The following DDX1 variants were observed in gnomAD, a reference collection of about 807,000 sequenced individuals.
DDX1 encodes the protein ATP-dependent RNA helicase DDX1.
In DDX1, 28 loss-of-function variants were observed where a neutral mutation model predicts 108.7. The observed-to-expected ratio is 0.26, with a 90% confidence interval of 0.19 to 0.35. DDX1 has a LOEUF of 0.35. Among genes scored for constraint, DDX1 ranks in the 10% least tolerant of loss-of-function variants. DDX1 has a pLI of 1.00. For synonymous variants in DDX1, 295 were observed against 288.9 expected, an observed-to-expected ratio of 1.02 and a Z score of -0.21; for missense variants, 710 against 884.5, an observed-to-expected ratio of 0.80 and a Z score of 2.50.
chr2:15,623,054 T>G (rs1558459087), intron 18 of DDX1, among the ~76,000 whole-genome samples: 1 of 152,174 alleles, frequency 6.6e-6, no homozygotes, highest in Non-Finnish European at 1.5e-5. Flanking sequence ...ATAAAGCATT[T>G]ATTGAGCATT....
chr2:15,607,406 C>T, intron 13 of DDX1, 93 bp downstream of exon 13: 1 of 1,136,272 alleles, frequency 8.8e-7, no homozygotes, highest in Non-Finnish European at 1.3e-6. Flanking sequence ...AGTAGAAATT[C>T]AGTGTGTATA....
intron 19 of DDX1, 64 bp from the exon 20 acceptor site, chr2:15,626,990 C>A: frequency 9.4e-7 from 1 of 1,060,712 alleles, no homozygotes; most frequent in Non-Finnish European, 1.4e-6. Context: ...ATTTTATTGG[C>A]TTTTTTACAT....
At chr2:15,598,876 G>A (rs1473051641) in intron 5 of DDX1, among the ~76,000 whole-genome samples, 3 of 152,136 alleles carry the variant, frequency 2.0e-5, no homozygotes, top group South Asian at 2.1e-4. Flanking sequence ...TTATAAAAAG[G>A]CGGATGAAAA....
chr2:15,630,734 A>G (rs1346386834), intron 25 of DDX1, 42 bp from the exon 26 acceptor site: 2 of 1,584,122 alleles, frequency 1.3e-6, no homozygotes, highest in Non-Finnish European at 8.6e-7. Context: ...AGTTATTTCA[A>G]GCATGTCATT....
chr2:15,593,004 T>TC (rs570931128), intron 1 of DDX1, among the ~76,000 whole-genome samples: 1 of 151,970 alleles, frequency 6.6e-6, no homozygotes, highest in Non-Finnish European at 1.5e-5. Context: ...CACTGCAGCC[T>TC]CCACCTCCCA....
At position 15,598,878 on chromosome 2, in the gene DDX1, G is replaced by A. The variant is rs145228341; in HGVS notation, c.260-791G>A. Among the ~76,000 whole-genome samples the A allele has an allele frequency of 1.3e-4, 19 of 151,804 alleles. No individual in the cohort carries two copies. The East Asian group carries it at 3.1e-3, about 25-fold the overall frequency. On this transcript the variant is annotated intron_variant, in intron 5 of 25. Transcript: ENST00000233084. Reference sequence around the variant, plus strand: ...GAAAATGCCAATCTTATAAAAAGGCGGATGAAAAAAATGTGTGACTTTTGA... The same window carrying A: ...GAAAATGCCAATCTTATAAAAAGGCAGATGAAAAAAATGTGTGACTTTTGA...
intron 13 of DDX1, among the ~76,000 whole-genome samples, chr2:15,608,254 T>A (rs1222681661): frequency 6.6e-6 from 1 of 152,060 alleles, no homozygotes; most frequent in African/African-American, 2.4e-5. Flanking sequence ...TTCAGCCAGG[T>A]GTGGTGACTC....
At position 15,628,486 on chromosome 2, in the gene DDX1, T is replaced by C. The variant is rs202067710; in HGVS notation, c.1728T>C (p.Ala576=). ...TCTTGATTTGCACAGATGTAGCTGC[T>C]AGAGGAATTGATATCCACGGTGTTC... ...VRFLICTDVA[A]RGIDIHGVPY... is the part of the protein sequence containing the mutation. Residue 576 remains alanine, a synonymous_variant, in exon 21 of 26, where the codon GCT becomes GCC. Coordinates refer to ENST00000233084, the MANE Select transcript of DDX1 (RefSeq NM_004939.3). 8.1e-6 allele frequency: 13 copies of C among 1,613,442 alleles called. No individual in the cohort carries two copies. The East Asian group carries it at 2.7e-4, about 33-fold the overall frequency.
In DDX1 at chr2:15,630,798, G is replaced by A; in HGVS notation, c.2115G>A (p.Val705=). 6.2e-7 allele frequency: 1 copy of A among 1,613,864 alleles called. No individual in the cohort carries two copies. The highest frequency in any genetic ancestry group is 8.5e-7 in the Non-Finnish European group (1 of 1,179,794). The change falls in exon 26 of 26, where the codon GTG becomes GTA. Residue 705 remains valine, a synonymous_variant. Transcript: ENST00000233084. The stretch of plus-strand genomic sequence containing the variant: ...CAGGTGGAAGCTATAAAGGCCATGT[G>A]GATATTTTGGCACCTACTGTTCAAG... The part of the protein sequence containing the change: ...AAGGGSYKGH[V]DILAPTVQEL...
At chr2:15,629,133 G>A (rs1431101038) in intron 23 of DDX1, among the ~76,000 whole-genome samples, 2 of 152,090 alleles carry the variant, frequency 1.3e-5, no homozygotes, top group Non-Finnish European at 2.9e-5. Flanking sequence ...TTCATGGTGA[G>A]GGGAGATTTA....
At position 15,630,044 on chromosome 2, in the gene DDX1, G is replaced by C. The variant is rs1395854521; in HGVS notation, c.2026G>C (p.Asp676His). Residue 676 changes from aspartate (D) to histidine (H), a missense_variant, in exon 25 of 26, where the codon GAT becomes CAT. This residue lies in a region of DDX1 where 661 missense variants were observed against 810.2 expected (regional missense o/e 0.82). Transcript: ENST00000233084. ...CTGTACCATTTCTCAGGTTGAGCCG[G>C]ATATAAAGGTACCAGTGGATGAATT... Reference protein sequence around the residue: ...LNCTISQVEPDIKVPVDEFDG... With the variant: ...LNCTISQVEPHIKVPVDEFDG... The C allele has an allele frequency of 1.2e-6, 2 of 1,613,028 alleles. No homozygotes were observed. The highest frequency in any genetic ancestry group is 1.7e-5 in the Admixed American group (1 of 59,986).
chr2:15,607,110 G>A (rs55800266), intron 12 of DDX1, 65 bp from the exon 13 acceptor site: 125,731 of 1,396,936 alleles, frequency 0.09, 6,331 homozygotes, highest in Non-Finnish European at 0.1. Flanking sequence ...TTGTCCTAAT[G>A]TTTTATAAGT....
chr2:15,606,733 T>G (rs1433656393), intron 12 of DDX1, among the ~76,000 whole-genome samples: 1 of 152,252 alleles, frequency 6.6e-6, no homozygotes, highest in Non-Finnish European at 1.5e-5. Context: ...TATCTAATAT[T>G]TAAAGTATAT....
At chr2:15,606,335 C>A in intron 12 of DDX1, 71 bp downstream of exon 12, 2 of 1,080,708 alleles carry the variant, frequency 1.9e-6, no homozygotes, top group Non-Finnish European at 2.8e-6. Context: ...GTAAGTAAGG[C>A]GTCTCATAGT....
At chr2:15,603,968 G>T in intron 9 of DDX1, 78 bp downstream of exon 9, 1 of 889,536 alleles carries the variant, frequency 1.1e-6, no homozygotes, top group Non-Finnish European at 1.7e-6. Context: ...CAGAATGAGG[G>T]TATACAAATG....
intron 19 of DDX1, among the ~76,000 whole-genome samples, chr2:15,623,991 T>G (rs1666053703): frequency 6.6e-6 from 1 of 152,112 alleles, no homozygotes; most frequent in African/African-American, 2.4e-5. Flanking sequence ...AGAAAAATTA[T>G]GGTTAGAAAT....
intron 8 of DDX1, 46 bp downstream of exon 8, chr2:15,603,321 G>C (rs756240241): frequency 7.8e-7 from 1 of 1,280,558 alleles, no homozygotes; most frequent in South Asian, 1.3e-5. Context: ...ACATTTGGGG[G>C]ATAACATTTT....
chr2:15,602,283 A>G (rs1326741737), intron 6 of DDX1, among the ~76,000 whole-genome samples: 1 of 152,192 alleles, frequency 6.6e-6, no homozygotes, highest in African/African-American at 2.4e-5. Context: ...TTGCTGTAAA[A>G]TCTTACCTTA....
chr2:15,627,549 T>G (rs994783689), intron 20 of DDX1: 4 of 162,932 alleles, frequency 2.5e-5, no homozygotes, highest in Non-Finnish European at 5.4e-5. Context: ...TTAAAGGTAT[T>G]TTGATACTGT....
Sources: allele counts gnomAD v4.1 joint callset (sites outside exome capture counted in the v4.1 genomes callset), GRCh38; gene constraint gnomAD v4.1.1; regional missense constraint gnomAD v4.1.1; transcripts MANE v1.5; gene names NCBI Gene and HGNC (gene_info 2026-07-23, HGNC 2026-07-21).